The following SLC25A40 variants were observed in gnomAD, a reference collection of about 807,000 sequenced individuals.
SLC25A40 encodes the protein mitochondrial glutathione transporter SLC25A40.
In SLC25A40, 41 loss-of-function variants were observed where a neutral mutation model predicts 46.5. The observed-to-expected ratio is 0.88, with a 90% confidence interval of 0.69 to 1.14. The LOEUF is 1.14. Ranked by LOEUF, SLC25A40 falls within the 50% of genes most tolerant of loss-of-function variation. SLC25A40 has a pLI of 0.00. For missense variants in SLC25A40, 386 were observed against 393.6 expected (o/e 0.98, Z 0.16); for synonymous variants, 126 against 127.5 (o/e 0.99, Z 0.08).
chr7:87,836,486 A>C, intron 11 of SLC25A40, 125 bp from the exon 12 acceptor site: 7 of 647,464 alleles, frequency 1.1e-5, no homozygotes, highest in Non-Finnish European at 1.7e-5. Context: ...AAATCCATAA[A>C]TTGGTAGAAA....
At chr7:87,850,736 C>T (rs1294688459) in intron 5 of SLC25A40, among the ~76,000 whole-genome samples, 2 of 151,242 alleles carry the variant, frequency 1.3e-5, no homozygotes, top group Admixed American at 6.6e-5. Context: ...CCACTGCACT[C>T]CAGGCCTGGG....
Position 87,834,557 on chromosome 7 carries a change from G to A in SLC25A40, c.*1692C>T, listed in dbSNP as rs1408603205. 1 of 151,554 alleles carries A rather than the reference G, an allele frequency of 6.6e-6. No individual in the cohort carries two copies. Among genetic ancestry groups the A allele is most frequent in the African/African-American group, 2.4e-5 (1 of 41,352 alleles). The allele number at this position is 151,554 out of a possible 1,614,324, so 9.4% of individuals were successfully genotyped here. The stretch of plus-strand genomic sequence containing the variant: ...AGAATTTTCCTAAGTGCAGTGAGGG[G>A]TAGGAGACATGGAAACCTTTCTCAT... On this transcript the variant is annotated 3_prime_UTR_variant, in exon 12 of 12. Coordinates refer to ENST00000341119, the MANE Select transcript of SLC25A40 (RefSeq NM_018843.4).
chr7:87,864,362 C>A (rs1382990852), intron 1 of SLC25A40, among the ~76,000 whole-genome samples: 2 of 152,214 alleles, frequency 1.3e-5, no homozygotes, highest in African/African-American at 4.8e-5. Context: ...TTATTGTCTA[C>A]TAGCTATTTT....
At chr7:87,836,405 A>T (rs1584320386) in intron 11 of SLC25A40, 44 bp from the exon 12 acceptor site, 1 of 1,219,738 alleles carries the variant, frequency 8.2e-7, no homozygotes, top group East Asian at 2.9e-5. Flanking sequence ...TTTTTTTCTT[A>T]CCTTATTTTT....
In SLC25A40 at chr7:87,841,577, C is replaced by T. The variant is rs1263212586; in HGVS notation, c.823+56G>A. 7 of 1,003,468 alleles carry T rather than the reference C, an allele frequency of 7.0e-6. No homozygotes were observed. In the East Asian group the frequency reaches 2.1e-4, roughly 30 times the overall value. The allele number at this position is 1,003,468 out of a possible 1,614,324, so 62.2% of individuals were successfully genotyped here. A position where few individuals can be genotyped will look rare whatever the true frequency, so the allele number is the denominator to read the frequency against. On this transcript the variant is annotated intron_variant, in intron 10 of 11. Transcript: ENST00000341119. ...CTTATTTTAGATATCCCTACAATATCTGTAAGGAAAAACAAAAATGGCATC... is the reference window on the plus strand; with the variant it reads ...CTTATTTTAGATATCCCTACAATATTTGTAAGGAAAAACAAAAATGGCATC...
chr7:87,860,818 A>G (rs902859221), intron 1 of SLC25A40, among the ~76,000 whole-genome samples, 178 bp from the exon 2 acceptor site: 9 of 151,836 alleles, frequency 5.9e-5, no homozygotes, highest in African/African-American at 1.9e-4. Flanking sequence ...CATTAGTTAT[A>G]GAAGCATTTT....
chr7:87,864,805 A>T (rs138635700), intron 1 of SLC25A40, among the ~76,000 whole-genome samples: 63 of 152,210 alleles, frequency 4.1e-4, no homozygotes, highest in African/African-American at 1.5e-3. Flanking sequence ...ATCTATTTCT[A>T]TTCTGTGTTA....
rs1025939931 is a variant in SLC25A40 at position 87,851,285 on chromosome 7, C to T, written c.265-1337G>A. On this transcript the variant is annotated intron_variant, in intron 5 of 11. Transcript: ENST00000341119. Reference sequence around the variant, plus strand: ...CTGATACATACTACAACATGGATGACTCTTAAAACACTATGCTAAGTAAAA... The same window carrying T: ...CTGATACATACTACAACATGGATGATTCTTAAAACACTATGCTAAGTAAAA... 4.6e-5 allele frequency among the ~76,000 whole-genome samples: 7 copies of T among 152,076 alleles called. 1 individual carries two copies. In the East Asian group the frequency reaches 7.7e-4, roughly 17 times the overall value.
chr7:87,856,347 T>A lies in SLC25A40; in HGVS notation c.102A>T (p.Thr34=). The A allele has an allele frequency of 6.2e-7, 1 of 1,613,066 alleles. No individual in the cohort carries two copies. The highest frequency in any genetic ancestry group is 8.5e-7 in the Non-Finnish European group (1 of 1,179,254). The change falls in exon 4 of 12, where the codon ACA becomes ACT. Residue 34 remains threonine, a synonymous_variant. Transcript: ENST00000341119. ...TGAILTSVIV[T]PLDVVKIRLQ... ...GTCTAATTTTAACAACATCCAGGGG[T>A]GTCACTATGAAGATATGTTAAGTTT...
At chr7:87,847,190 T>C in intron 7 of SLC25A40, 68 bp from the exon 8 acceptor site, 5 of 1,124,570 alleles carry the variant, frequency 4.4e-6, no homozygotes, top group Non-Finnish European at 5.9e-6. Context: ...ACATATACTG[T>C]AAAAATTAAT....
At chr7:87,851,938 T>A (rs1838519015) in intron 5 of SLC25A40, among the ~76,000 whole-genome samples, 2 of 152,088 alleles carry the variant, frequency 1.3e-5, no homozygotes, top group African/African-American at 4.8e-5. Flanking sequence ...AAGAGAAAAT[T>A]TTTTTAAAAA....
intron 7 of SLC25A40, among the ~76,000 whole-genome samples, chr7:87,847,454 A>G (rs1838438232): frequency 1.3e-5 from 2 of 152,194 alleles, no homozygotes; most frequent in South Asian, 4.1e-4. Flanking sequence ...ACTCCCATTT[A>G]GCAGAGTAAA....
chr7:87,857,428 G>T (rs1334717827), intron 3 of SLC25A40, among the ~76,000 whole-genome samples: 1 of 152,170 alleles, frequency 6.6e-6, no homozygotes, highest in Admixed American at 6.5e-5. Context: ...GAATGGCAAA[G>T]CAAGGACTCA....
chr7:87,846,993 C>A lies in SLC25A40; in HGVS notation c.587G>T (p.Trp196Leu). 2 of 1,613,626 alleles carry A rather than the reference C, an allele frequency of 1.2e-6. No individual in the cohort carries two copies. The highest frequency in any genetic ancestry group is 1.7e-6 in the Non-Finnish European group (2 of 1,179,748). ...KVSEDGWISLWRGWAPTVLRD... is the reference protein window; with the variant it reads ...KVSEDGWISLLRGWAPTVLRD... Reference sequence around the variant, plus strand: ...AAGAACAGTAGGAGCCCAGCCCCTCCAAAGGGAAATCCAACCATCTTCAGA... The same window carrying A: ...AAGAACAGTAGGAGCCCAGCCCCTCAAAAGGGAAATCCAACCATCTTCAGA... Residue 196 changes from tryptophan to leucine, a missense_variant, in exon 8 of 12, where the codon TGG becomes TTG. Coordinates refer to ENST00000341119, the MANE Select transcript of SLC25A40 (RefSeq NM_018843.4).
chr7:87,854,850 A>C, intron 4 of SLC25A40, among the ~76,000 whole-genome samples: 1 of 147,022 alleles, frequency 6.8e-6, no homozygotes, highest in Admixed American at 6.8e-5. Flanking sequence ...AAATTAGTGG[A>C]TTTATGTTTT....
At chr7:87,840,920 T>C (rs1838321982) in intron 10 of SLC25A40, among the ~76,000 whole-genome samples, 2 of 151,946 alleles carry the variant, frequency 1.3e-5, no homozygotes, top group Non-Finnish European at 2.9e-5. Context: ...TTATTTACAT[T>C]ATAATAGTCT....
intron 2 of SLC25A40, among the ~76,000 whole-genome samples, chr7:87,859,763 T>C (rs1301705421): frequency 6.6e-6 from 1 of 152,218 alleles, no homozygotes; most frequent in Non-Finnish European, 1.5e-5. Context: ...TTCAGATTGT[T>C]AGATATCAGG....
intron 1 of SLC25A40, among the ~76,000 whole-genome samples, chr7:87,869,452 C>A (rs1838860267): frequency 6.6e-6 from 1 of 151,624 alleles, no homozygotes; most frequent in Admixed American, 6.6e-5. Context: ...TCACTTGAGC[C>A]TAGGAGGTCA....
chr7:87,865,773 G>C (rs1472904542), intron 1 of SLC25A40, among the ~76,000 whole-genome samples: 9 of 151,406 alleles, frequency 5.9e-5, no homozygotes, highest in African/African-American at 2.2e-4. Flanking sequence ...CTCCGTCTCG[G>C]GGGGAAAAAA....
Sources: allele counts gnomAD v4.1 joint callset (sites outside exome capture counted in the v4.1 genomes callset), GRCh38; gene constraint gnomAD v4.1.1; transcripts MANE v1.5; gene names NCBI Gene and HGNC (gene_info 2026-07-23, HGNC 2026-07-21).